FOXP2: variants seen among roughly 807,000 people sequenced by gnomAD.
FOXP2 encodes forkhead box protein P2.
FOXP2 carries 12 observed loss-of-function variants against 115.8 expected under a neutral mutation model. The observed-to-expected ratio is 0.10, with a 90% CI of 0.07 to 0.17. FOXP2 has a LOEUF of 0.17. Among genes scored for constraint, FOXP2 ranks in the 10% least tolerant of loss-of-function variants. The pLI, the probability that FOXP2 is intolerant of heterozygous loss-of-function variation, is 1.00. For missense variants in FOXP2, 629 were observed against 843.5 expected (o/e 0.75, Z 3.15); for synonymous variants, 328 against 297.7 (o/e 1.10, Z -1.05).
At chr7:114,351,100 G>A (rs967702891) in intron 2 of FOXP2, among the ~76,000 whole-genome samples, 1 of 152,094 alleles carries the variant, frequency 6.6e-6, no homozygotes, top group Non-Finnish European at 1.5e-5. Context: ...AATATTTTCT[G>A]TCCACGGTTT....
At chr7:114,091,973 A>G (rs1413447874) in intron 1 of FOXP2, among the ~76,000 whole-genome samples, 4 of 151,922 alleles carry the variant, frequency 2.6e-5, no homozygotes, top group African/African-American at 7.2e-5. Flanking sequence ...TATCTAGAAC[A>G]TACCTTCCCA....
At chr7:114,206,310 C>G (rs1304695003) in intron 1 of FOXP2, among the ~76,000 whole-genome samples, 1 of 152,120 alleles carries the variant, frequency 6.6e-6, no homozygotes, top group Non-Finnish European at 1.5e-5. Flanking sequence ...TAACTCTTAT[C>G]TATGTCTGCA....
In FOXP2 at chr7:114,105,579, C is replaced by A. The variant is rs1791089479; in HGVS notation, c.-247+17741C>A. Among the ~76,000 whole-genome samples, 3 of 152,140 alleles carry A rather than the reference C, an allele frequency of 2.0e-5. No individual in the cohort carries two copies. In the South Asian group the frequency reaches 6.2e-4, roughly 32 times the overall value. On this transcript the variant is annotated intron_variant, in intron 1 of 19. Transcript: ENST00000635638. Reference sequence around the variant, plus strand: ...CAGATGCAGTTTCTTCTTTTGTAAACTCTCATTTTCCACAGAGAATTTCTT... The same window carrying A: ...CAGATGCAGTTTCTTCTTTTGTAAAATCTCATTTTCCACAGAGAATTTCTT...
At chr7:114,219,609 A>G (rs1204905246) in intron 1 of FOXP2, among the ~76,000 whole-genome samples, 4 of 152,082 alleles carry the variant, frequency 2.6e-5, no homozygotes, top group East Asian at 1.9e-4. Flanking sequence ...AATCTGTTTT[A>G]TTTATTTGTT....
In FOXP2 at chr7:114,191,824, T is replaced by C. The variant is rs982251921; in HGVS notation, c.-102+28736T>C. ...GTGTTCATTTTTTGTGTTGTTTTTT[T>C]CCGCGGGTTTTGACAAATGTACGAT... On this transcript the variant is annotated intron_variant, in intron 1 of 17. Transcript: ENST00000634411. Among the ~76,000 whole-genome samples the C allele has an allele frequency of 3.3e-5, 5 of 152,182 alleles. No homozygotes were observed. In the East Asian group the frequency reaches 5.8e-4, roughly 18 times the overall value.
chr7:114,182,038 T>G (rs1193070900), intron 1 of FOXP2, among the ~76,000 whole-genome samples: 2 of 152,104 alleles, frequency 1.3e-5, no homozygotes, highest in Non-Finnish European at 2.9e-5. Flanking sequence ...ATACTTTAAT[T>G]GCTTTATGCA....
At chr7:114,621,692 T>G (rs948500732) in intron 3 of FOXP2, among the ~76,000 whole-genome samples, 5 of 151,960 alleles carry the variant, frequency 3.3e-5, no homozygotes, top group African/African-American at 1.2e-4. Context: ...TTAGAGGGCT[T>G]TGTTCCATTC....
chr7:114,616,266 G>A (rs182851362), intron 3 of FOXP2, among the ~76,000 whole-genome samples: 6 of 151,908 alleles, frequency 3.9e-5, no homozygotes, highest in African/African-American at 1.4e-4. Flanking sequence ...GGGTTCAAGC[G>A]ATTCTCCTGC....
intron 1 of FOXP2, among the ~76,000 whole-genome samples, chr7:114,092,559 G>T (rs567384078): frequency 9.2e-5 from 14 of 151,932 alleles, no homozygotes; most frequent in Non-Finnish European, 1.5e-4. Context: ...TGTATTTTAG[G>T]GGTAGGAAAA....
chr7:114,265,806 C>G (rs1206161743), intron 1 of FOXP2, among the ~76,000 whole-genome samples: 4 of 152,134 alleles, frequency 2.6e-5, no homozygotes, highest in Non-Finnish European at 4.4e-5. Flanking sequence ...GCTTAACACC[C>G]CAGGGAACCT....
intron 1 of FOXP2, among the ~76,000 whole-genome samples, chr7:114,245,887 C>T (rs535367390): frequency 2.6e-5 from 4 of 151,706 alleles, no homozygotes; most frequent in South Asian, 2.1e-4. Flanking sequence ...TACATTTGTA[C>T]GAAACTGTAC....
intron 2 of FOXP2, chr7:114,499,289 G>A (rs1797459945): frequency 5.4e-6 from 1 of 184,842 alleles, no homozygotes; most frequent in Non-Finnish European, 1.1e-5. Context: ...GATTAATTAA[G>A]TACAGGGTTA....
At chr7:114,328,233 C>CTTTTTTTTTTTTTT (rs1193894946) in intron 2 of FOXP2, among the ~76,000 whole-genome samples, 4 of 129,602 alleles carry the variant, frequency 3.1e-5, no homozygotes, top group Non-Finnish European at 4.9e-5. Flanking sequence ...CTTTTCTTTT[C>CTTTTTTTTTTTTTT]TTTTTTTTTT....
intron 1 of FOXP2, among the ~76,000 whole-genome samples, chr7:114,185,328 C>G (rs1793563424): frequency 6.6e-6 from 1 of 152,058 alleles, no homozygotes; most frequent in African/African-American, 2.4e-5. Flanking sequence ...ATACCTGACT[C>G]TGGGCTTTAT....
intron 2 of FOXP2, among the ~76,000 whole-genome samples, chr7:114,408,506 C>T (rs1009969845): frequency 1.3e-5 from 2 of 152,060 alleles, no homozygotes; most frequent in African/African-American, 4.8e-5. Context: ...GTGGGTGGAT[C>T]ATTTGAGGTC....
chr7:114,687,186 A>T (rs1808412060), intron 16 of FOXP2, among the ~76,000 whole-genome samples: 1 of 152,178 alleles, frequency 6.6e-6, no homozygotes, highest in South Asian at 2.1e-4. Flanking sequence ...AGTTTTGATG[A>T]ACACCCAAGC....
intron 1 of FOXP2, among the ~76,000 whole-genome samples, chr7:114,107,836 C>T (rs376083977): frequency 5.1e-4 from 77 of 151,940 alleles, no homozygotes; most frequent in Middle Eastern, 3.4e-3. Flanking sequence ...TGTTTTTTCA[C>T]GGTCTGGTCC....
intron 2 of FOXP2, chr7:114,288,134 C>A: frequency 2.2e-6 from 1 of 451,222 alleles, no homozygotes; most frequent in South Asian, 1.6e-5. Flanking sequence ...GGTAAAAATT[C>A]TCCTTTGGTC....
intron 16 of FOXP2, among the ~76,000 whole-genome samples, chr7:114,673,902 A>G (rs1197870937): frequency 6.6e-6 from 1 of 152,134 alleles, no homozygotes; most frequent in East Asian, 1.9e-4. Flanking sequence ...GGGTTTCACC[A>G]TGTTGGCCAG....
Sources: gnomAD v4.1 joint callset for allele counts (sites outside exome capture counted in the v4.1 genomes callset) on GRCh38, gnomAD v4.1.1 for gene constraint, MANE v1.5 for transcripts, NCBI Gene and HGNC (gene_info 2026-07-23, HGNC 2026-07-21) for gene names.